MYO3B: variants seen among roughly 807,000 people sequenced by gnomAD.
MYO3B encodes the protein myosin-IIIb.
In MYO3B, 156 loss-of-function variants were observed where a neutral mutation model predicts 174.6. The observed-to-expected ratio is 0.89, with a 90% CI of 0.78 to 1.02. The LOEUF is 1.02. MYO3B is among the 50% of genes least tolerant of loss of function. The probability of loss-of-function intolerance (pLI) is 0.00; values close to 1 mark genes in which losing one functional copy is unlikely to be tolerated. For missense variants in MYO3B, 1,632 were observed against 1,639.4 expected, an observed-to-expected ratio of 1.00 and a Z score of 0.08; for synonymous variants, 563 against 569.1, an observed-to-expected ratio of 0.99 and a Z score of 0.15.
chr2:170,612,752 A>C (rs565731561), intron 32 of MYO3B, among the ~76,000 whole-genome samples: 1 of 152,316 alleles, frequency 6.6e-6, no homozygotes, highest in East Asian at 1.9e-4. Context: ...TATTGCATGG[A>C]GGAAGAGACC....
At chr2:170,308,449 G>T (rs1252361534) in intron 7 of MYO3B, among the ~76,000 whole-genome samples, 1 of 152,146 alleles carries the variant, frequency 6.6e-6, no homozygotes, top group East Asian at 1.9e-4. Context: ...CAATATCCCT[G>T]CCCAGGATTT....
chr2:170,583,091 C>T (rs1315148835), intron 32 of MYO3B, among the ~76,000 whole-genome samples: 1 of 151,002 alleles, frequency 6.6e-6, no homozygotes, highest in East Asian at 2.0e-4. Context: ...CACTGCAGCC[C>T]CTCCACCCCC....
intron 1 of MYO3B, among the ~76,000 whole-genome samples, chr2:170,197,065 G>A (rs2092609262): frequency 6.6e-6 from 1 of 150,490 alleles, no homozygotes; most frequent in Non-Finnish European, 1.5e-5. Flanking sequence ...CCACCTGGAT[G>A]GCCAACTTCT....
chr2:170,441,249 G>A (rs972019242), intron 22 of MYO3B, among the ~76,000 whole-genome samples: 2 of 152,166 alleles, frequency 1.3e-5, no homozygotes, highest in African/African-American at 2.4e-5. Flanking sequence ...TGATGTGGAT[G>A]CCTTTCATTT....
intron 32 of MYO3B, among the ~76,000 whole-genome samples, chr2:170,648,954 AAT>A (rs1374441988): frequency 1.5e-5 from 1 of 67,046 alleles, no homozygotes; most frequent in Non-Finnish European, 2.7e-5. Flanking sequence ...TATATAAAAT[AAT>A]ATATAATGTA....
At chr2:170,218,103 T>C (rs1249513423) in intron 6 of MYO3B, among the ~76,000 whole-genome samples, 2 of 152,190 alleles carry the variant, frequency 1.3e-5, no homozygotes, top group African/African-American at 4.8e-5. Flanking sequence ...GTCACCTCCT[T>C]AGATGTCTTT....
intron 7 of MYO3B, among the ~76,000 whole-genome samples, chr2:170,249,222 C>A (rs2093225151): frequency 6.6e-6 from 1 of 152,218 alleles, no homozygotes; most frequent in African/African-American, 2.4e-5. Context: ...CTGCTTGTGG[C>A]CAGAGCCTCA....
chr2:170,523,213 CA>C (rs1425790042), intron 30 of MYO3B, among the ~76,000 whole-genome samples: 1 of 152,210 alleles, frequency 6.6e-6, no homozygotes, highest in Non-Finnish European at 1.5e-5. Context: ...AATAGCTACT[CA>C]ATAAGTTTAT....
At chr2:170,633,965 G>C (rs1349676739) in intron 32 of MYO3B, among the ~76,000 whole-genome samples, 1 of 152,174 alleles carries the variant, frequency 6.6e-6, no homozygotes, top group Admixed American at 6.5e-5. Flanking sequence ...CGAAATAAAA[G>C]AGGACACAAA....
intron 25 of MYO3B, among the ~76,000 whole-genome samples, chr2:170,495,230 C>T (rs1686789037): frequency 6.6e-6 from 1 of 152,182 alleles, no homozygotes; most frequent in Non-Finnish European, 1.5e-5. Flanking sequence ...TCCTGATGGA[C>T]CTCTTGGCTT....
chr2:170,507,493 G>T (rs1687686609), intron 28 of MYO3B, among the ~76,000 whole-genome samples: 1 of 152,000 alleles, frequency 6.6e-6, no homozygotes, highest in African/African-American at 2.4e-5. Flanking sequence ...TCCCCTTCCT[G>T]AGTTCAAGGG....
At chr2:170,572,747 T>G (rs189757843) in intron 32 of MYO3B, among the ~76,000 whole-genome samples, 76 of 152,340 alleles carry the variant, frequency 5.0e-4, no homozygotes, top group Non-Finnish European at 9.1e-4. Context: ...ATAATCCTCT[T>G]TTTGAAATAA....
chr2:170,464,470 A>G (rs7559247), intron 24 of MYO3B, among the ~76,000 whole-genome samples: 76,304 of 151,910 alleles, frequency 0.5, 20,788 homozygotes, highest in Middle Eastern at 0.62. Flanking sequence ...GGTCAGGTGG[A>G]TGGGAAGCTG....
At chr2:170,413,605 G>GA (rs1289474164) in intron 22 of MYO3B, among the ~76,000 whole-genome samples, 2 of 152,022 alleles carry the variant, frequency 1.3e-5, no homozygotes, top group Admixed American at 6.6e-5. Context: ...TGTATGAATA[G>GA]GTGCTCAGTT....
chr2:170,421,638 C>G (rs781699534), intron 22 of MYO3B, among the ~76,000 whole-genome samples: 2 of 152,186 alleles, frequency 1.3e-5, no homozygotes, highest in Non-Finnish European at 2.9e-5. Flanking sequence ...GGGCCGTGCC[C>G]TCTTCTGCCC....
intron 22 of MYO3B, among the ~76,000 whole-genome samples, chr2:170,430,370 A>T (rs2094699461): frequency 7.6e-6 from 1 of 131,560 alleles, no homozygotes; most frequent in African/African-American, 2.9e-5. Context: ...TTTTTTCTGG[A>T]TAGCTTTTTT....
At chr2:170,606,384 C>T (rs1694811015) in intron 32 of MYO3B, among the ~76,000 whole-genome samples, 1 of 152,152 alleles carries the variant, frequency 6.6e-6, no homozygotes, top group African/African-American at 2.4e-5. Flanking sequence ...TTATGCTGTC[C>T]CCTCAGCCTA....
chr2:170,467,084 C>T (rs751009969), intron 25 of MYO3B, among the ~76,000 whole-genome samples: 96 of 152,216 alleles, frequency 6.3e-4, no homozygotes, highest in Middle Eastern at 3.4e-3. Flanking sequence ...TGATATAATA[C>T]GATAATTAAC....
chr2:170,395,389 G>C (rs1260599908), intron 16 of MYO3B, among the ~76,000 whole-genome samples: 1 of 152,124 alleles, frequency 6.6e-6, no homozygotes, highest in East Asian at 1.9e-4. Flanking sequence ...AAAACTTTTT[G>C]GGCAGATGAT....
Sources: gnomAD v4.1 joint callset for allele counts (sites outside exome capture counted in the v4.1 genomes callset) on GRCh38, gnomAD v4.1.1 for gene constraint, MANE v1.5 for transcripts, NCBI Gene and HGNC (gene_info 2026-07-23, HGNC 2026-07-21) for gene names.